Variants in ITGB8 observed in about 807,000 individuals in gnomAD.
ITGB8 encodes the protein integrin beta-8.
ITGB8 carries 30 observed loss-of-function variants against 89.5 expected under a neutral mutation model. That is an observed-to-expected ratio of 0.34 (90% CI 0.25 to 0.45). The LOEUF is 0.45. ITGB8 is among the 20% of genes least tolerant of loss of function. The pLI is 1.00. For missense variants in ITGB8, 836 were observed against 933.3 expected, an observed-to-expected ratio of 0.90 and a Z score of 1.36; for synonymous variants, 335 against 320.4, an observed-to-expected ratio of 1.05 and a Z score of -0.49.
At chr7:20,396,602 C>T (rs1490871086) in intron 8 of ITGB8, among the ~76,000 whole-genome samples, 1 of 152,120 alleles carries the variant, frequency 6.6e-6, no homozygotes, top group Non-Finnish European at 1.5e-5. Context: ...CAAAAAAGAA[C>T]AGTGAGACTG....
chr7:20,390,681 T>A (rs1786818055), intron 6 of ITGB8, among the ~76,000 whole-genome samples: 1 of 152,130 alleles, frequency 6.6e-6, no homozygotes, highest in Non-Finnish European at 1.5e-5. Context: ...TCAGAATTGC[T>A]ATTAGTTTTG....
chr7:20,398,603 C>T (rs1787182994), intron 8 of ITGB8, among the ~76,000 whole-genome samples: 1 of 151,970 alleles, frequency 6.6e-6, no homozygotes, highest in Non-Finnish European at 1.5e-5. Context: ...TTGAAGGGCT[C>T]AAAATGCAGT....
In ITGB8 at chr7:20,402,079, A is replaced by G. The variant is rs750260021; in HGVS notation, c.1640A>G (p.Glu547Gly). 2 of 1,614,014 alleles carry G rather than the reference A, an allele frequency of 1.2e-6. No individual in the cohort carries two copies. The highest frequency in any genetic ancestry group is 1.1e-5 in the South Asian group (1 of 91,046). Reference protein sequence around the residue: ...KLGKVYGKYCEKDDFSCPYHH... With the variant: ...KLGKVYGKYCGKDDFSCPYHH... The stretch of plus-strand genomic sequence containing the variant: ...GGAAAAGTGTATGGAAAATACTGTG[A>G]AAAGGATGACTTTTCTTGTCCATAT... Residue 547 changes from glutamate (E) to glycine (G), a missense_variant, in exon 10 of 14, where the codon GAA (glutamate) becomes GGA (glycine). Coordinates refer to ENST00000222573, the MANE Select transcript of ITGB8 (RefSeq NM_002214.3).
At chr7:20,378,983 TTTA>T in intron 3 of ITGB8, 65 bp from the exon 4 acceptor site, 1 of 1,320,300 alleles carries the variant, frequency 7.6e-7, no homozygotes, top group Non-Finnish European at 1.0e-6. Context: ...ATGTGACTAA[TTTA>T]TTAAGAGCTT....
chr7:20,380,570 C>A, intron 4 of ITGB8, 96 bp from the exon 5 acceptor site: 1 of 971,160 alleles, frequency 1.0e-6, no homozygotes, highest in Non-Finnish European at 1.6e-6. Flanking sequence ...AAAAGAAGTA[C>A]TCCCTTTTCA....
chr7:20,368,197 C>A (rs1488030874), intron 3 of ITGB8, among the ~76,000 whole-genome samples: 1 of 152,154 alleles, frequency 6.6e-6, no homozygotes, highest in Non-Finnish European at 1.5e-5. Context: ...AATAATGACA[C>A]AGCCCAGTAT....
intron 12 of ITGB8, among the ~76,000 whole-genome samples, chr7:20,408,674 G>A (rs1369299066): frequency 6.6e-6 from 1 of 152,086 alleles, no homozygotes; most frequent in African/African-American, 2.4e-5. Flanking sequence ...TGGGGCAGCT[G>A]GTGAGTTCCA....
intron 12 of ITGB8, among the ~76,000 whole-genome samples, chr7:20,407,601 A>G (rs983943540): frequency 2.0e-5 from 3 of 152,048 alleles, no homozygotes; most frequent in African/African-American, 7.2e-5. Context: ...TCACATCCAC[A>G]CTGATCTTAC....
intron 10 of ITGB8, among the ~76,000 whole-genome samples, chr7:20,404,112 C>T (rs1296095462): frequency 6.6e-6 from 1 of 152,164 alleles, no homozygotes; most frequent in African/African-American, 2.4e-5. Context: ...TTCAACTTCT[C>T]AAGAGACCTG....
rs201819477 is a variant in ITGB8, at chr7:20,372,030, CT to C, written c.388+4851del. ...TAAGGTATTAATCATCTTCATCTCTCTTTTTTTGTGTGTGATTTCTGTCTCC... is the reference window on the plus strand; with the variant it reads ...TAAGGTATTAATCATCTTCATCTCTCTTTTTTGTGTGTGATTTCTGTCTCC... On this transcript the variant is annotated intron_variant, in intron 3 of 13. Coordinates refer to ENST00000222573, the MANE Select transcript of ITGB8 (RefSeq NM_002214.3). Among the ~76,000 whole-genome samples, 40 of 152,194 alleles carry C rather than the reference CT, an allele frequency of 2.6e-4. No homozygotes were observed. The East Asian group carries it at 7.1e-3, about 27-fold the overall frequency.
At position 20,380,992 on chromosome 7, in the gene ITGB8, G is replaced by A. The variant is rs1046479962; in HGVS notation, c.801+161G>A. ...ACCAAGGTGATTCATTTCGGTATGT[G>A]TTTGGGACAGAGGGGCTAAATTCAG... On this transcript the variant is annotated intron_variant, in intron 5 of 13. Coordinates refer to ENST00000222573, the MANE Select transcript of ITGB8 (RefSeq NM_002214.3). 5 of 604,628 alleles carry A rather than the reference G, an allele frequency of 8.3e-6. No individual in the cohort carries two copies. The Admixed American group carries it at 9.4e-5, about 11-fold the overall frequency. The allele number at this position is 604,628 out of a possible 1,614,324, so 37.5% of individuals were successfully genotyped here. A position where few individuals can be genotyped will look rare whatever the true frequency, so the allele number is the denominator to read the frequency against.
At chr7:20,359,611 A>G (rs1025206031) in intron 1 of ITGB8, among the ~76,000 whole-genome samples, 13 of 152,102 alleles carry the variant, frequency 8.5e-5, no homozygotes, top group Non-Finnish European at 1.5e-5. Flanking sequence ...TGCAGTGTAG[A>G]GATTTTTACT....
rs746227584 is a variant in ITGB8 at position 20,402,006 on chromosome 7, C to T, written c.1567C>T (p.Arg523Ter). The T allele has an allele frequency of 6.2e-7, 1 of 1,613,950 alleles. No individual in the cohort carries two copies. Among genetic ancestry groups the T allele is most frequent in the Non-Finnish European group, 8.5e-7 (1 of 1,179,976 alleles). The change falls in exon 10 of 14, where the codon CGA becomes TGA. Residue 523 changes from arginine to a stop codon, truncating the protein, a stop_gained. Coordinates refer to ENST00000222573, the MANE Select transcript of ITGB8 (RefSeq NM_002214.3). LOFTEE classifies it high-confidence loss of function. ...SHKDQPVCSG[R>*]GVCVCGKCSC... is the part of the protein sequence containing the mutation. ...CAAGGATCAGCCTGTTTGCAGTGGT[C>T]GAGGAGTTTGTGTTTGTGGGAAATG...
chr7:20,356,725 C>T (rs1310977995), intron 1 of ITGB8, among the ~76,000 whole-genome samples: 1 of 151,986 alleles, frequency 6.6e-6, no homozygotes, highest in Non-Finnish European at 1.5e-5. Context: ...TTCTTTTTGC[C>T]AGATAACCAT....
chr7:20,331,239 T>C lies in ITGB8; in HGVS notation c.-568T>C. The C allele has an allele frequency of 3.9e-6, 1 of 256,630 alleles. No homozygotes were observed. The allele number at this position is 256,630 out of a possible 1,614,324, so 15.9% of individuals were successfully genotyped here. On this transcript the variant is annotated 5_prime_UTR_variant, in exon 1 of 14. It removes an upstream start codon present in the reference 5' UTR. Transcript: ENST00000222573. ...GACGGGGCTGCAAAGCTGCAACTAATGGTGTTGGCCTCCCTGCCCACCTGT... is the reference window on the plus strand; with the variant it reads ...GACGGGGCTGCAAAGCTGCAACTAACGGTGTTGGCCTCCCTGCCCACCTGT...
intron 10 of ITGB8, among the ~76,000 whole-genome samples, chr7:20,403,273 G>GA (rs1178293758): frequency 6.6e-6 from 1 of 152,150 alleles, no homozygotes; most frequent in Non-Finnish European, 1.5e-5. Context: ...TTATAGGGAG[G>GA]AAAAATATTA....
rs568474320 is a variant in ITGB8, at chr7:20,374,793, T to G, written c.389-4258T>G. 2.6e-5 allele frequency among the ~76,000 whole-genome samples: 4 copies of G among 152,328 alleles called. No homozygotes were observed. In the South Asian group the frequency reaches 8.3e-4, roughly 32 times the overall value. On this transcript the variant is annotated intron_variant, in intron 3 of 13. Transcript: ENST00000222573. ...TAAAGATGTAGACAAGAGTAAGTAT[T>G]ATGTAGGAACTTCGATCTGACATGT...
chr7:20,343,497 C>T (rs1432045414), intron 1 of ITGB8, among the ~76,000 whole-genome samples: 1 of 152,100 alleles, frequency 6.6e-6, no homozygotes, highest in Non-Finnish European at 1.5e-5. Context: ...TGCTGTTATT[C>T]TACAACAGGA....
chr7:20,394,932 G>A lies in ITGB8; in HGVS notation c.1093G>A (p.Glu365Lys). 1 of 1,613,722 alleles carries A rather than the reference G, an allele frequency of 6.2e-7. No homozygotes were observed. Among genetic ancestry groups the A allele is most frequent in the Non-Finnish European group, 8.5e-7 (1 of 1,179,692 alleles). ...LPLLPGTIAG[E>K]IESKAANLNN... ...CCTCTTGCCAGGCACCATTGCTGGT[G>A]AAATAGAATCAAAGGCTGCAAACCT... Residue 365 changes from glutamate to lysine, a missense_variant, in exon 8 of 14, where the codon GAA becomes AAA. Transcript: ENST00000222573.
Sources: allele counts gnomAD v4.1 joint callset (sites outside exome capture counted in the v4.1 genomes callset), GRCh38; gene constraint gnomAD v4.1.1; transcripts MANE v1.5; gene names NCBI Gene and HGNC (gene_info 2026-07-23, HGNC 2026-07-21).